Variants in GRID1 observed in about 807,000 individuals in gnomAD.
GRID1 encodes the protein glutamate receptor ionotropic, delta-1.
Under a neutral mutation model 98.0 loss-of-function variants are expected in GRID1, and 28 were observed. The observed-to-expected ratio is 0.29, with a 90% confidence interval of 0.21 to 0.39. The LOEUF (loss-of-function observed/expected upper bound fraction) is 0.39, where lower values mean the gene tolerates loss of function less well. Among genes scored for constraint, GRID1 ranks in the 10% least tolerant of loss-of-function variants. The pLI, the probability that GRID1 is intolerant of heterozygous loss-of-function variation, is 1.00. For missense variants in GRID1, 1,111 were observed against 1,340.5 expected (o/e 0.83, Z 2.67); for synonymous variants, 553 against 538.5 (o/e 1.03, Z -0.37).
chr10:85,609,475 T>A (rs376912305), intron 15 of GRID1, among the ~76,000 whole-genome samples: 15 of 152,342 alleles, frequency 9.8e-5, no homozygotes, highest in African/African-American at 3.6e-4. Flanking sequence ...ATGTGCAGAC[T>A]GGCAAACTCT....
intron 3 of GRID1, among the ~76,000 whole-genome samples, chr10:86,156,738 A>G (rs1845251085): frequency 2.0e-5 from 3 of 152,234 alleles, no homozygotes; most frequent in African/African-American, 4.8e-5. Context: ...GGAATGTCAG[A>G]AGAGACGTCT....
chr10:86,027,628 T>G (rs1406378724), intron 4 of GRID1, among the ~76,000 whole-genome samples: 1 of 152,178 alleles, frequency 6.6e-6, no homozygotes, highest in African/African-American at 2.4e-5. Flanking sequence ...TGAACTCAGA[T>G]CATCATATCC....
At chr10:85,718,455 G>T (rs187364900) in intron 12 of GRID1, among the ~76,000 whole-genome samples, 1 of 152,208 alleles carries the variant, frequency 6.6e-6, no homozygotes. Flanking sequence ...CCTTGCCCCC[G>T]CAGCAAACTT....
At chr10:86,244,301 C>T (rs533631313) in intron 2 of GRID1, among the ~76,000 whole-genome samples, 1 of 152,316 alleles carries the variant, frequency 6.6e-6, no homozygotes, top group Non-Finnish European at 1.5e-5. Flanking sequence ...GTTGCGGGGC[C>T]TGCTGTGTGT....
intron 8 of GRID1, among the ~76,000 whole-genome samples, chr10:85,811,574 T>A (rs936465949): frequency 6.6e-6 from 1 of 151,786 alleles, no homozygotes; most frequent in African/African-American, 2.4e-5. Flanking sequence ...AAAAATACAA[T>A]CAAGAGCTTC....
intron 12 of GRID1, chr10:85,647,952 A>C (rs1843217692): frequency 3.3e-5 from 5 of 152,796 alleles, no homozygotes; most frequent in Admixed American, 3.3e-4. Context: ...CATCCCCTCC[A>C]AAGCTTGCAG....
chr10:85,863,950 C>T (rs1008847582), intron 6 of GRID1, among the ~76,000 whole-genome samples: 7 of 152,210 alleles, frequency 4.6e-5, no homozygotes, highest in Admixed American at 4.6e-4. Context: ...GGGTCAGAAC[C>T]AGACCATTAT....
At chr10:85,668,686 C>T (rs887321533) in intron 12 of GRID1, among the ~76,000 whole-genome samples, 1 of 152,238 alleles carries the variant, frequency 6.6e-6, no homozygotes, top group African/African-American at 2.4e-5. Context: ...ACTCTGCCCA[C>T]ACTCAGTGGA....
At chr10:86,290,994 G>A (rs1177773516) in intron 2 of GRID1, among the ~76,000 whole-genome samples, 7 of 152,222 alleles carry the variant, frequency 4.6e-5, no homozygotes. Context: ...CCCAGTCCCT[G>A]AAAGGCTCAA....
chr10:86,049,664 C>A (rs1342316371), intron 4 of GRID1, among the ~76,000 whole-genome samples: 1 of 152,204 alleles, frequency 6.6e-6, no homozygotes, highest in Admixed American at 6.5e-5. Context: ...TTTTCCAGGG[C>A]ACTAGGCCTG....
At chr10:85,992,210 T>G (rs1842689001) in intron 4 of GRID1, among the ~76,000 whole-genome samples, 1 of 150,560 alleles carries the variant, frequency 6.6e-6, no homozygotes, top group African/African-American at 2.5e-5. Context: ...GGAAAAGGGG[T>G]TTAGGGAAGT....
chr10:85,689,923 C>G (rs1841313987), intron 12 of GRID1, among the ~76,000 whole-genome samples: 1 of 152,022 alleles, frequency 6.6e-6, no homozygotes, highest in Non-Finnish European at 1.5e-5. Flanking sequence ...TATCTATGTC[C>G]TTTTGTTGAA....
At chr10:86,344,621 G>A (rs1848356739) in intron 2 of GRID1, among the ~76,000 whole-genome samples, 1 of 152,228 alleles carries the variant, frequency 6.6e-6, no homozygotes, top group Admixed American at 6.5e-5. Flanking sequence ...TGGAGCCAAA[G>A]TACACTTGTA....
At chr10:85,939,562 C>A (rs1456176023) in intron 4 of GRID1, among the ~76,000 whole-genome samples, 1 of 152,130 alleles carries the variant, frequency 6.6e-6, no homozygotes, top group African/African-American at 2.4e-5. Flanking sequence ...AGCAACACGT[C>A]TTTCTGGGCC....
intron 8 of GRID1, among the ~76,000 whole-genome samples, chr10:85,786,774 G>C (rs1432240791): frequency 1.3e-5 from 2 of 152,236 alleles, no homozygotes; most frequent in African/African-American, 4.8e-5. Context: ...CGGCTGATAG[G>C]AAGGAGATTT....
intron 8 of GRID1, among the ~76,000 whole-genome samples, chr10:85,842,853 A>G (rs574134631): frequency 2.3e-3 from 354 of 152,226 alleles, no homozygotes; most frequent in Non-Finnish European, 4.0e-3. Context: ...ATCTCTTCCA[A>G]AAGATGAAAA....
In GRID1 at chr10:85,908,566, G is replaced by A. The variant is rs540397920; in HGVS notation, c.780+7620C>T. 2.6e-5 allele frequency among the ~76,000 whole-genome samples: 4 copies of A among 152,308 alleles called. No individual in the cohort carries two copies. In the South Asian group the frequency reaches 8.3e-4, roughly 32 times the overall value. ...CTAAATAATTAGGAAGATATGTCTT[G>A]TTTGTGGGTGAGATGACTCACTATT... is the stretch of plus-strand genomic sequence containing the variant. On this transcript the variant is annotated intron_variant, in intron 5 of 15. Coordinates refer to ENST00000327946, the MANE Select transcript of GRID1 (RefSeq NM_017551.3).
rs561882921 is a variant in GRID1 at position 86,073,446 on chromosome 10, C to T, written c.726+65373G>A. On this transcript the variant is annotated intron_variant, in intron 4 of 15. Coordinates refer to ENST00000327946, the MANE Select transcript of GRID1 (RefSeq NM_017551.3). The stretch of plus-strand genomic sequence containing the variant: ...CTGGCTTCTTCCTGGGACAGTTTTG[C>T]TTTCCATTGTGCACCCCAACAGTAT... Among the ~76,000 whole-genome samples, 12 of 152,314 alleles carry T rather than the reference C, an allele frequency of 7.9e-5. No individual in the cohort carries two copies. The South Asian group carries it at 2.3e-3, about 29-fold the overall frequency.
chr10:85,914,811 T>G (rs1356630645), intron 5 of GRID1, among the ~76,000 whole-genome samples: 2 of 152,114 alleles, frequency 1.3e-5, no homozygotes, highest in South Asian at 2.1e-4. Context: ...TAGAAATTGA[T>G]CAGTAATTTA....
Sources: gnomAD v4.1 joint callset for allele counts (sites outside exome capture counted in the v4.1 genomes callset) on GRCh38, gnomAD v4.1.1 for gene constraint, MANE v1.5 for transcripts, NCBI Gene and HGNC (gene_info 2026-07-23, HGNC 2026-07-21) for gene names.